ADAM12: variants seen among roughly 807,000 people sequenced by gnomAD.
ADAM12 encodes ADAM metallopeptidase domain 12.
A neutral mutation model predicts 106.4 loss-of-function variants in ADAM12; 70 were observed. The ratio of observed to expected loss-of-function variants is 0.66; its 90% CI spans 0.54 to 0.80. The LOEUF (loss-of-function observed/expected upper bound fraction) is 0.80. Ranked by LOEUF, ADAM12 falls within the 30% of genes least tolerant of loss-of-function variation. The pLI is 0.00. For synonymous variants in ADAM12, 420 were observed against 433.5 expected, an observed-to-expected ratio of 0.97 and a Z score of 0.39; for missense variants, 1,010 against 1,171.9, an observed-to-expected ratio of 0.86 and a Z score of 2.02.
At chr10:126,107,766 C>G (rs919134281) in intron 8 of ADAM12, among the ~76,000 whole-genome samples, 3 of 152,178 alleles carry the variant, frequency 2.0e-5, no homozygotes, top group Non-Finnish European at 2.9e-5. Context: ...TAACCTCCCC[C>G]CCGCCCTGCC....
At chr10:126,379,654 T>G (rs1193153031) in intron 1 of ADAM12, among the ~76,000 whole-genome samples, 1 of 152,078 alleles carries the variant, frequency 6.6e-6, no homozygotes, top group Non-Finnish European at 1.5e-5. Context: ...GTAACAAAAC[T>G]GCACGTTCTG....
chr10:126,183,452 G>A (rs367582452), intron 3 of ADAM12, among the ~76,000 whole-genome samples: 11 of 152,210 alleles, frequency 7.2e-5, no homozygotes, highest in East Asian at 5.8e-4. Flanking sequence ...CCCAGTCCCA[G>A]GATGGCTACT....
At chr10:126,038,952 CTTTTTT>C (rs34277276) in intron 19 of ADAM12, among the ~76,000 whole-genome samples, 2,183 of 71,604 alleles carry the variant, frequency 0.03, 13 homozygotes, top group Non-Finnish European at 0.042. Context: ...GACACCATTT[CTTTTTT>C]TTTTTTTTTT....
rs181388293 is a variant in ADAM12 at position 126,117,675 on chromosome 10, T to C, written c.603+363A>G. Among the ~76,000 whole-genome samples the C allele has an allele frequency of 5.3e-4, 77 of 144,298 alleles. 1 individual carries two copies. Among genetic ancestry groups the C allele is most frequent in the Admixed American group, 2.2e-4 (3 of 13,884 alleles). 94.7% of individuals were successfully genotyped at this position (144,298 alleles called of 152,430 possible). On this transcript the variant is annotated intron_variant, in intron 6 of 22. Coordinates refer to ENST00000448723, the MANE Select transcript of ADAM12 (RefSeq NM_001288973.2). ...GGGTCCAATCTTGTCTTGCTTGTCA[T>C]GGTGGCGCCCAACCCTGGGCCTAGG...
At chr10:126,383,294 G>A (rs1394847707) in intron 1 of ADAM12, among the ~76,000 whole-genome samples, 2 of 152,144 alleles carry the variant, frequency 1.3e-5, no homozygotes, top group Middle Eastern at 3.4e-3. Flanking sequence ...GTTGGGAAAT[G>A]AAATTAAATA....
intron 11 of ADAM12, among the ~76,000 whole-genome samples, chr10:126,073,087 A>AG (rs1355018910): frequency 2.0e-5 from 3 of 152,096 alleles, no homozygotes; most frequent in African/African-American, 7.2e-5. Context: ...TTTAATGACC[A>AG]GGTATTTATT....
chr10:126,369,230 A>G (rs1219108384), intron 1 of ADAM12, among the ~76,000 whole-genome samples: 2 of 152,210 alleles, frequency 1.3e-5, no homozygotes, highest in East Asian at 3.8e-4. Flanking sequence ...GTTGAAATGA[A>G]AAAGCAGCAC....
chr10:126,275,063 G>C (rs2133745398), intron 3 of ADAM12, among the ~76,000 whole-genome samples: 1 of 152,268 alleles, frequency 6.6e-6, no homozygotes, highest in East Asian at 1.9e-4. Context: ...AATTCAATGG[G>C]CTATGGACTT....
intron 5 of ADAM12, among the ~76,000 whole-genome samples, chr10:126,119,744 G>T (rs1366719923): frequency 6.6e-6 from 1 of 152,182 alleles, no homozygotes; most frequent in Non-Finnish European, 1.5e-5. Context: ...CATGACACAT[G>T]TCTGACCTTC....
chr10:126,241,961 GCTT>G (rs1462276252), intron 3 of ADAM12, among the ~76,000 whole-genome samples: 3 of 145,480 alleles, frequency 2.1e-5, no homozygotes, highest in African/African-American at 7.9e-5. Context: ...GTAAAACAGA[GCTT>G]TTTTTTTTTT....
intron 3 of ADAM12, among the ~76,000 whole-genome samples, chr10:126,176,964 A>G (rs541545517): frequency 1.3e-5 from 2 of 152,192 alleles, no homozygotes; most frequent in Non-Finnish European, 2.9e-5. Context: ...CCCTGTTTGT[A>G]TACAGCCATA....
At chr10:126,126,035 T>A (rs1218225844) in intron 5 of ADAM12, among the ~76,000 whole-genome samples, 1 of 152,142 alleles carries the variant, frequency 6.6e-6, no homozygotes, top group Admixed American at 6.5e-5. Flanking sequence ...ACTTCTGGCC[T>A]GAAAAGCAGT....
At chr10:126,342,319 A>T (rs930672829) in intron 1 of ADAM12, among the ~76,000 whole-genome samples, 2 of 152,268 alleles carry the variant, frequency 1.3e-5, no homozygotes, top group African/African-American at 4.8e-5. Context: ...TTGGCCATTG[A>T]ATTTGGAGGA....
In ADAM12 at chr10:126,355,770, A is replaced by C. The variant is rs147538756; in HGVS notation, c.89-25261T>G. Among the ~76,000 whole-genome samples the C allele has an allele frequency of 6.6e-4, 101 of 152,368 alleles. 1 individual carries two copies. In the South Asian group the frequency reaches 0.015, roughly 22 times the overall value. On this transcript the variant is annotated intron_variant, in intron 1 of 22. Transcript: ENST00000448723. Reference sequence around the variant, plus strand: ...CGGCATGGCGAGACCAGCTGGAGTCAGTTAGAAACAAAGCAAGGAGACAGG... The same window carrying C: ...CGGCATGGCGAGACCAGCTGGAGTCCGTTAGAAACAAAGCAAGGAGACAGG...
Position 126,155,235 on chromosome 10 carries a change from T to C in ADAM12, c.331A>G (p.Asn111Asp), listed in dbSNP as rs367875671. The C allele has an allele frequency of 9.4e-5, 151 of 1,613,942 alleles. No individual in the cohort carries two copies. Among genetic ancestry groups the C allele is most frequent in the Non-Finnish European group, 1.2e-4 (139 of 1,179,986 alleles). The change falls in exon 4 of 23, where the codon AAT (asparagine) becomes GAT (aspartate). Residue 111 changes from asparagine to aspartate, a missense_variant. Transcript: ENST00000448723. ...CAACGTGCCAGAATTACCGTGTAAT[T>C]TCGAGCGAGGGAGACATCAGTACCG... The part of the protein sequence containing the change: ...QDGTDVSLAR[N>D]YTGHCYYHGH...
At chr10:126,257,475 T>A (rs1173124074) in intron 3 of ADAM12, among the ~76,000 whole-genome samples, 1 of 152,244 alleles carries the variant, frequency 6.6e-6, no homozygotes, top group African/African-American at 2.4e-5. Context: ...AAGCATGTGA[T>A]AATCTATTCT....
At chr10:126,349,915 C>T (rs1431306104) in intron 1 of ADAM12, among the ~76,000 whole-genome samples, 2 of 152,120 alleles carry the variant, frequency 1.3e-5, no homozygotes, top group African/African-American at 2.4e-5. Flanking sequence ...TGGGTTTTCT[C>T]CAGAAGACAG....
chr10:126,251,631 T>TA (rs1958759514), intron 3 of ADAM12, among the ~76,000 whole-genome samples: 1 of 16,488 alleles, frequency 6.1e-5, no homozygotes, highest in Non-Finnish European at 1.8e-4. Flanking sequence ...GATGAATGGA[T>TA]GGGATGATGG....
intron 3 of ADAM12, among the ~76,000 whole-genome samples, chr10:126,187,745 G>C (rs1957426391): frequency 1.3e-5 from 2 of 152,210 alleles, no homozygotes; most frequent in African/African-American, 4.8e-5. Context: ...CAGCACGCTG[G>C]CCACAGTGCA....
Sources: gnomAD v4.1 joint callset for allele counts (sites outside exome capture counted in the v4.1 genomes callset) on GRCh38, gnomAD v4.1.1 for gene constraint, MANE v1.5 for transcripts, NCBI Gene and HGNC (gene_info 2026-07-23, HGNC 2026-07-21) for gene names.